The following PARP6 variants were observed in gnomAD, a reference collection of about 807,000 sequenced individuals.
PARP6 encodes poly(ADP-ribose) polymerase family member 6.
In PARP6, 27 loss-of-function variants were observed where a neutral mutation model predicts 92.0. That is an observed-to-expected ratio of 0.29 (90% CI 0.22 to 0.40). The LOEUF is 0.40. PARP6 is among the 10% of genes least tolerant of loss of function. The probability of loss-of-function intolerance (pLI) is 1.00; values close to 1 mark genes in which losing one functional copy is unlikely to be tolerated. For missense variants in PARP6, 501 were observed against 784.5 expected, an observed-to-expected ratio of 0.64 and a Z score of 4.32; for synonymous variants, 272 against 281.2, an observed-to-expected ratio of 0.97 and a Z score of 0.33.
chr15:72,271,815 A>T (rs550333729), intron 1 of PARP6, among the ~76,000 whole-genome samples: 1 of 152,372 alleles, frequency 6.6e-6, no homozygotes, highest in East Asian at 1.9e-4. Flanking sequence ...AGAAGGTGTT[A>T]AAACTCAGCG....
intron 20 of PARP6, among the ~76,000 whole-genome samples, chr15:72,247,395 AC>A (rs1439398827): frequency 6.6e-6 from 1 of 151,238 alleles, no homozygotes; most frequent in African/African-American, 2.4e-5. Context: ...CTGGTCTTGA[AC>A]TCCTGAGCTC....
intron 16 of PARP6, 88 bp downstream of exon 16, chr15:72,253,349 A>C: frequency 9.6e-7 from 1 of 1,044,108 alleles, no homozygotes; most frequent in Non-Finnish European, 1.5e-6. Context: ...AGGATGTTGA[A>C]ACCACCACTA....
chr15:72,257,302 G>A (rs758420998), intron 13 of PARP6, 46 bp downstream of exon 13: 6 of 1,377,894 alleles, frequency 4.4e-6, no homozygotes, highest in South Asian at 1.2e-5. Flanking sequence ...GGGTTCCTCT[G>A]TCTTTCTTGA....
rs999942311 is a variant in PARP6 at position 72,261,611 on chromosome 15, A to G, written c.492T>C (p.Ser164=). 13 of 1,614,030 alleles carry G rather than the reference A, an allele frequency of 8.1e-6. No individual in the cohort carries two copies. The highest frequency in any genetic ancestry group is 1.0e-5 in the Non-Finnish European group (12 of 1,180,016). Residue 164 remains serine, a synonymous_variant, in exon 9 of 24, where the codon AGT becomes AGC. Coordinates refer to ENST00000569795, the MANE Select transcript of PARP6 (RefSeq NM_001323532.2). ...CAGCTCGGAACTTCTTGATGGTACC[A>G]CTTGCCTTGAACCAACTGTGCCTCT... is the stretch of plus-strand genomic sequence containing the variant. ...QEKRHSWFKA[S]GTIKKFRAGL...
At chr15:72,250,818 C>A in intron 18 of PARP6, 27 bp downstream of exon 18, 1 of 1,267,026 alleles carries the variant, frequency 7.9e-7, no homozygotes, top group South Asian at 1.3e-5. Flanking sequence ...CTCACCACCC[C>A]CACTGCCCAG....
chr15:72,265,175 A>AT lies in PARP6; in HGVS notation c.238-5_238-4insA. The AT allele has an allele frequency of 6.3e-7, 1 of 1,599,786 alleles. No individual in the cohort carries two copies. The highest frequency in any genetic ancestry group is 2.2e-5 in the East Asian group (1 of 44,802). ...TCCAGGCTGTAGAGACTTCCTCCTA[A>AT]AAGAAGAAGGGAAATAGTTTCCAGT... is the stretch of plus-strand genomic sequence containing the variant. On this transcript the variant is annotated splice_region_variant and splice_polypyrimidine_tract_variant and intron_variant, in intron 6 of 23. Coordinates refer to ENST00000569795, the MANE Select transcript of PARP6 (RefSeq NM_001323532.2).
intron 15 of PARP6, among the ~76,000 whole-genome samples, 154 bp downstream of exon 15, chr15:72,254,301 G>A (rs977808822): frequency 6.6e-6 from 1 of 151,992 alleles, no homozygotes; most frequent in Non-Finnish European, 1.5e-5. Context: ...ACAAAACAGA[G>A]AACAGGAATT....
At chr15:72,266,284 G>C (rs994643847) in intron 4 of PARP6, among the ~76,000 whole-genome samples, 3 of 152,112 alleles carry the variant, frequency 2.0e-5, no homozygotes, top group African/African-American at 7.2e-5. Context: ...CCTTGACCAG[G>C]ATACCTTCTA....
At chr15:72,252,578 C>T (rs972754890) in intron 16 of PARP6, among the ~76,000 whole-genome samples, 3 of 151,990 alleles carry the variant, frequency 2.0e-5, no homozygotes, top group Admixed American at 6.6e-5. Context: ...CTCCGCCTCC[C>T]GGGTTCAAGC....
intron 8 of PARP6, among the ~76,000 whole-genome samples, 181 bp downstream of exon 8, chr15:72,264,374 C>G (rs535620252): frequency 6.6e-6 from 1 of 152,320 alleles, no homozygotes; most frequent in East Asian, 1.9e-4. Context: ...GAACCACATA[C>G]TCTCTCTCCA....
At chr15:72,264,446 A>AT in intron 8 of PARP6, 109 bp downstream of exon 8, 1 of 807,678 alleles carries the variant, frequency 1.2e-6, no homozygotes, top group Non-Finnish European at 2.0e-6. Context: ...TCAGAAAGAC[A>AT]TTTTTGGAAG....
chr15:72,272,314 G>C (rs1029531894), intron 1 of PARP6, 79 bp downstream of exon 1: 1 of 152,616 alleles, frequency 6.6e-6, no homozygotes, highest in Non-Finnish European at 1.5e-5. Context: ...CCCGATCTAT[G>C]CCGCCCGGCC....
intron 8 of PARP6, 48 bp from the exon 9 acceptor site, chr15:72,261,755 G>T: frequency 1.3e-6 from 2 of 1,578,972 alleles, no homozygotes; most frequent in South Asian, 1.1e-5. Flanking sequence ...GCAGGGTCAA[G>T]AAATAAGGAC....
At chr15:72,265,392 G>A in intron 6 of PARP6, 21 bp downstream of exon 6, 1 of 1,601,816 alleles carries the variant, frequency 6.2e-7, no homozygotes, top group Non-Finnish European at 8.6e-7. Context: ...CATGTTGTTG[G>A]CAGGTACTAG....
At chr15:72,271,566 G>A (rs987445973) in intron 1 of PARP6, among the ~76,000 whole-genome samples, 7 of 152,204 alleles carry the variant, frequency 4.6e-5, no homozygotes, top group African/African-American at 1.7e-4. Flanking sequence ...GTTACACACA[G>A]AATACTTAGA....
At chr15:72,251,961 C>T (rs1179600996) in intron 16 of PARP6, among the ~76,000 whole-genome samples, 1 of 152,178 alleles carries the variant, frequency 6.6e-6, no homozygotes, top group Non-Finnish European at 1.5e-5. Context: ...GTGATGCCAC[C>T]TCAGATGGTC....
intron 20 of PARP6, chr15:72,245,800 C>G (rs926106644): frequency 1.3e-5 from 2 of 152,020 alleles, no homozygotes; most frequent in African/African-American, 4.8e-5. Context: ...CTGGCTTCAT[C>G]TGGTAACTAA....
At chr15:72,260,277 T>C (rs1449817379) in intron 10 of PARP6, among the ~76,000 whole-genome samples, 4 of 152,200 alleles carry the variant, frequency 2.6e-5, no homozygotes, top group Non-Finnish European at 5.9e-5. Context: ...AGATCGCCAC[T>C]GCCCTCCAGC....
Position 72,261,700 on chromosome 15 carries a change from C to T in PARP6, c.403G>A (p.Gly135Ser). ...GLGLQLKKIL[G>S]MFTSQQWKHL... is the part of the protein sequence containing the mutation. The stretch of plus-strand genomic sequence containing the variant: ...TTCCATTGTTGGGATGTAAACATAC[C>T]CAGGATCCTGAGGGATCAAAAAGAA... The change falls in exon 9 of 24, where the codon GGT (glycine) becomes AGT (serine). Residue 135 changes from glycine to serine, a missense_variant. Transcript: ENST00000569795. 6.2e-7 allele frequency: 1 copy of T among 1,613,808 alleles called. No homozygotes were observed. Among genetic ancestry groups the T allele is most frequent in the South Asian group, 1.1e-5 (1 of 91,068 alleles).
Sources: gnomAD v4.1 joint callset for allele counts (sites outside exome capture counted in the v4.1 genomes callset) on GRCh38, gnomAD v4.1.1 for gene constraint, MANE v1.5 for transcripts, NCBI Gene and HGNC (gene_info 2026-07-23, HGNC 2026-07-21) for gene names.